The following FAM184B variants were observed in gnomAD, a reference collection of about 807,000 sequenced individuals.
FAM184B encodes family with sequence similarity 184 member B.
In FAM184B, 111 loss-of-function variants were observed where a neutral mutation model predicts 135.9. That is an observed-to-expected ratio of 0.82 (90% CI 0.70 to 0.96). FAM184B has a LOEUF of 0.96. FAM184B is among the 40% of genes least tolerant of loss of function. The pLI is 0.00. For missense variants in FAM184B, 1,375 were observed against 1,323.9 expected, an observed-to-expected ratio of 1.04 and a Z score of -0.60; for synonymous variants, 552 against 524.8, an observed-to-expected ratio of 1.05 and a Z score of -0.71.
At chr4:17,693,533 T>A in intron 5 of FAM184B, 121 bp from the exon 6 acceptor site, 1 of 715,340 alleles carries the variant, frequency 1.4e-6, no homozygotes, top group South Asian at 1.8e-5. Flanking sequence ...ACACTGCAAA[T>A]AAACATAAAT....
chr4:17,771,601 A>G (rs1266468890), intron 1 of FAM184B, among the ~76,000 whole-genome samples: 1 of 152,208 alleles, frequency 6.6e-6, no homozygotes, highest in Non-Finnish European at 1.5e-5. Context: ...TATTTTCAGA[A>G]AAGCGAGAGG....
At chr4:17,716,134 G>C (rs1323462366) in intron 1 of FAM184B, among the ~76,000 whole-genome samples, 1 of 152,184 alleles carries the variant, frequency 6.6e-6, no homozygotes, top group Admixed American at 6.5e-5. Flanking sequence ...AGAATGTTGA[G>C]AATGCTTGCA....
chr4:17,756,404 A>T (rs1314570714), intron 1 of FAM184B, among the ~76,000 whole-genome samples: 3 of 152,226 alleles, frequency 2.0e-5, no homozygotes, highest in African/African-American at 7.2e-5. Flanking sequence ...ATATTATGTC[A>T]TTTATATATA....
At position 17,737,727 on chromosome 4, in the gene FAM184B, T is replaced by C. The variant is rs73800377; in HGVS notation, c.142-28083A>G. Among the ~76,000 whole-genome samples the C allele has an allele frequency of 8.8e-3, 1,338 of 152,234 alleles. 20 individuals are homozygous for C. The highest frequency in any genetic ancestry group is 0.028 in the African/African-American group (1,179 of 41,536). The stretch of plus-strand genomic sequence containing the variant: ...CAAAGTATCTCCCAACACCCTAACA[T>C]TGGAGCCCATAAGACTCCCAGGAAA... On this transcript the variant is annotated intron_variant, in intron 1 of 17. Transcript: ENST00000265018.
At chr4:17,712,107 A>G (rs1717289467) in intron 1 of FAM184B, among the ~76,000 whole-genome samples, 1 of 152,222 alleles carries the variant, frequency 6.6e-6, no homozygotes, top group African/African-American at 2.4e-5. Context: ...TTCAGAGAAG[A>G]ACAGGAAGGA....
Position 17,633,837 on chromosome 4 carries a change from C to G in FAM184B, c.2941G>C (p.Ala981Pro). ...CTCAGAAAGTTCTTTGCATAGGAGG[C>G]GAGGTTCGGCACGCTGACCACGCGG... ...PSRVVSVPNL[A>P]SYAKNFLSGD... The change falls in exon 17 of 18, where the codon GCC becomes CCC. Residue 981 changes from alanine to proline, a missense_variant. By Grantham distance (27) the Ala-to-Pro change is conservative. Transcript: ENST00000265018. 1 of 1,551,230 alleles carries G rather than the reference C, an allele frequency of 6.4e-7. No homozygotes were observed. The highest frequency in any genetic ancestry group is 8.7e-7 in the Non-Finnish European group (1 of 1,146,842).
chr4:17,707,037 C>T (rs1024031333), intron 3 of FAM184B, among the ~76,000 whole-genome samples: 1 of 152,144 alleles, frequency 6.6e-6, no homozygotes, highest in African/African-American at 2.4e-5. Flanking sequence ...ATCCACCTGC[C>T]TTGGCCTCCC....
intron 10 of FAM184B, 73 bp downstream of exon 10, chr4:17,658,277 G>A: frequency 1.5e-6 from 2 of 1,316,678 alleles, no homozygotes; most frequent in Middle Eastern, 1.8e-4. Flanking sequence ...GTAGAAAAGG[G>A]ACGGCTTTGT....
intron 8 of FAM184B, among the ~76,000 whole-genome samples, chr4:17,660,788 G>A (rs1480373284): frequency 6.6e-5 from 10 of 152,048 alleles, no homozygotes; most frequent in African/African-American, 9.7e-5. Flanking sequence ...GTTTGACAGC[G>A]TGAAAGGATG....
At chr4:17,643,092 T>G (rs749363070) in intron 12 of FAM184B, among the ~76,000 whole-genome samples, 21 of 152,332 alleles carry the variant, frequency 1.4e-4, no homozygotes, top group Non-Finnish European at 2.2e-4. Context: ...ATGCATAGCC[T>G]GGAAGAGCAA....
intron 12 of FAM184B, among the ~76,000 whole-genome samples, chr4:17,646,627 G>GC (rs1202840010): frequency 1.3e-5 from 2 of 152,044 alleles, no homozygotes; most frequent in African/African-American, 4.8e-5. Context: ...TATACCTAAT[G>GC]TAAATGACGA....
Position 17,652,964 on chromosome 4 carries a change from T to A in FAM184B, c.2057A>T (p.Lys686Met), listed in dbSNP as rs909059185. 1 of 1,551,712 alleles carries A rather than the reference T, an allele frequency of 6.4e-7. No individual in the cohort carries two copies. The highest frequency in any genetic ancestry group is 8.7e-7 in the Non-Finnish European group (1 of 1,146,988). ...CTGGAGGCTGTGGCTGGATTCCTTC[T>A]TCAAGCGTTCCTCTGTGGCCTGTGG... ...QELKATEERL[K>M]KESSHSLQIQ... Residue 686 changes from lysine to methionine, a missense_variant, in exon 11 of 18, where the codon AAG becomes ATG. Coordinates refer to ENST00000265018, the MANE Select transcript of FAM184B (RefSeq NM_015688.2).
chr4:17,646,294 A>G (rs62295573), intron 12 of FAM184B, among the ~76,000 whole-genome samples: 75,797 of 149,566 alleles, frequency 0.51, 22,278 homozygotes, highest in East Asian at 0.88. Context: ...GTTTACTGCA[A>G]CACTATTCAC....
chr4:17,725,920 A>G (rs1197833524), intron 1 of FAM184B, among the ~76,000 whole-genome samples: 1 of 152,102 alleles, frequency 6.6e-6, no homozygotes, highest in African/African-American at 2.4e-5. Context: ...TTTACTAATC[A>G]AAACTCTTCT....
intron 1 of FAM184B, among the ~76,000 whole-genome samples, chr4:17,729,830 A>G (rs1407069283): frequency 6.6e-6 from 1 of 152,256 alleles, no homozygotes; most frequent in Non-Finnish European, 1.5e-5. Context: ...CAGAGCAGAA[A>G]AACTGGAAAC....
intron 1 of FAM184B, among the ~76,000 whole-genome samples, chr4:17,766,467 T>C (rs772806131): frequency 3.3e-5 from 5 of 152,196 alleles, no homozygotes; most frequent in Non-Finnish European, 4.4e-5. Context: ...AGAGTGCTGA[T>C]TGGTGCATTT....
intron 12 of FAM184B, among the ~76,000 whole-genome samples, chr4:17,646,257 C>G (rs2108933429): frequency 6.6e-6 from 1 of 151,870 alleles, no homozygotes; most frequent in Admixed American, 6.6e-5. Flanking sequence ...ATAAATCATG[C>G]TGCTATAAAG....
At chr4:17,760,477 A>C (rs560852944) in intron 1 of FAM184B, among the ~76,000 whole-genome samples, 27 of 152,034 alleles carry the variant, frequency 1.8e-4, no homozygotes, top group East Asian at 1.2e-3. Flanking sequence ...CTCAAAAAAA[A>C]AAAAACAAAA....
chr4:17,657,902 C>T (rs1282530047), intron 10 of FAM184B, among the ~76,000 whole-genome samples: 1 of 152,020 alleles, frequency 6.6e-6, no homozygotes, highest in Non-Finnish European at 1.5e-5. Flanking sequence ...GGTGATCCAC[C>T]CACCTCCACC....
Sources: gnomAD v4.1 joint callset for allele counts (sites outside exome capture counted in the v4.1 genomes callset) on GRCh38, gnomAD v4.1.1 for gene constraint, MANE v1.5 for transcripts, NCBI Gene and HGNC (gene_info 2026-07-23, HGNC 2026-07-21) for gene names.